UBE2QL1: variants seen among roughly 807,000 people sequenced by gnomAD.
UBE2QL1 encodes ubiquitin conjugating enzyme E2 QL1, also known as ubiquitin-conjugating enzyme E2Q-like protein 1.
In UBE2QL1, 5 loss-of-function variants were observed where a neutral mutation model predicts 12.6. The ratio of observed to expected loss-of-function variants is 0.40; its 90% CI spans 0.21 to 0.83. UBE2QL1 has a LOEUF of 0.83. UBE2QL1 is among the 40% of genes least tolerant of loss of function. The probability of loss-of-function intolerance (pLI) is 0.37; values close to 1 mark genes in which losing one functional copy is unlikely to be tolerated. For missense variants in UBE2QL1, 99 were observed against 222.6 expected (o/e 0.44, Z 3.53); for synonymous variants, 96 against 94.5 (o/e 1.02, Z -0.10).
intron 1 of UBE2QL1, 78 bp from the exon 2 acceptor site, chr5:6,491,140 G>A: frequency 1.4e-6 from 2 of 1,430,496 alleles, no homozygotes; most frequent in African/African-American, 1.4e-5. Flanking sequence ...CCACGACTCT[G>A]TGTGTTTTTA....
rs1734622245 is a variant in UBE2QL1 at position 6,493,858 on chromosome 5, C to T, written c.*2509C>T. On this transcript the variant is annotated 3_prime_UTR_variant, in exon 2 of 2. Coordinates refer to ENST00000399816, the MANE Select transcript of UBE2QL1 (RefSeq NM_001145161.3). ...TGAGCACAGGCCTGGCTGCCTGTGC[C>T]TTGGCCACAGCCTCCTTCCACCCCA... 1.3e-5 allele frequency: 2 copies of T among 152,302 alleles called. No individual in the cohort carries two copies. Among genetic ancestry groups the T allele is most frequent in the South Asian group, 4.2e-4 (2 of 4,816 alleles). 9.4% of individuals were successfully genotyped at this position (152,302 alleles called of 1,614,324 possible).
intron 1 of UBE2QL1, among the ~76,000 whole-genome samples, chr5:6,487,861 A>C (rs918584425): frequency 6.6e-6 from 1 of 152,224 alleles, no homozygotes; most frequent in Non-Finnish European, 1.5e-5. Context: ...AGCAGGGAAC[A>C]CGGGATGGAG....
intron 1 of UBE2QL1, among the ~76,000 whole-genome samples, chr5:6,451,253 T>C (rs1739407700): frequency 6.6e-6 from 1 of 151,776 alleles, no homozygotes; most frequent in African/African-American, 2.4e-5. Context: ...TGGGGATTTT[T>C]TTTTTTAAGA....
At chr5:6,490,973 T>C (rs533441440) in intron 1 of UBE2QL1, among the ~76,000 whole-genome samples, 1 of 151,136 alleles carries the variant, frequency 6.6e-6, no homozygotes, top group South Asian at 2.1e-4. Flanking sequence ...TGTGTGGGGG[T>C]TTGTAAAGAC....
chr5:6,480,674 A>G (rs930722486), intron 1 of UBE2QL1, among the ~76,000 whole-genome samples: 3 of 152,240 alleles, frequency 2.0e-5, no homozygotes, highest in African/African-American at 7.2e-5. Context: ...TTTAAAATGT[A>G]GAGGCAAGTG....
chr5:6,456,319 T>A (rs2651944), intron 1 of UBE2QL1, among the ~76,000 whole-genome samples: 28,290 of 151,994 alleles, frequency 0.19, 2,965 homozygotes, highest in East Asian at 0.48. Context: ...GGTCCTGGGA[T>A]CAGCAGGGTC....
chr5:6,491,416 C>T lies in UBE2QL1; in HGVS notation c.*67C>T. The stretch of plus-strand genomic sequence containing the variant: ...ACACACCAGTACCCTGACATCTCCT[C>T]AATGCTGTGCATCCTCCACCCGTTT... On this transcript the variant is annotated 3_prime_UTR_variant, in exon 2 of 2. Coordinates refer to ENST00000399816, the MANE Select transcript of UBE2QL1 (RefSeq NM_001145161.3). 6.8e-7 allele frequency: 1 copy of T among 1,467,540 alleles called. No individual in the cohort carries two copies. The highest frequency in any genetic ancestry group is 9.0e-7 in the Non-Finnish European group (1 of 1,108,996). The allele number at this position is 1,467,540 out of a possible 1,614,324, so 90.9% of individuals were successfully genotyped here.
At chr5:6,459,558 T>A (rs1229718530) in intron 1 of UBE2QL1, among the ~76,000 whole-genome samples, 1 of 152,204 alleles carries the variant, frequency 6.6e-6, no homozygotes, top group Non-Finnish European at 1.5e-5. Flanking sequence ...ACGTCTTTCG[T>A]TGCACAAAAC....
At chr5:6,451,521 A>G (rs1323929951) in intron 1 of UBE2QL1, among the ~76,000 whole-genome samples, 2 of 152,326 alleles carry the variant, frequency 1.3e-5, no homozygotes, top group East Asian at 3.9e-4. Context: ...ATCCTAACTG[A>G]ACCCATTGCC....
At chr5:6,482,658 T>A (rs2126366681) in intron 1 of UBE2QL1, among the ~76,000 whole-genome samples, 2 of 152,280 alleles carry the variant, frequency 1.3e-5, no homozygotes, top group African/African-American at 4.8e-5. Context: ...CAGAGACATT[T>A]TTGGTTGCCA....
chr5:6,483,882 G>A (rs1016844962), intron 1 of UBE2QL1, among the ~76,000 whole-genome samples: 2 of 152,088 alleles, frequency 1.3e-5, no homozygotes, highest in African/African-American at 4.8e-5. Context: ...GATCTGGTGG[G>A]ATGTTCTAGT....
intron 1 of UBE2QL1, among the ~76,000 whole-genome samples, chr5:6,489,516 C>G (rs1734525895): frequency 6.6e-6 from 1 of 152,192 alleles, no homozygotes; most frequent in Non-Finnish European, 1.5e-5. Flanking sequence ...AGAGGGATAT[C>G]CAGAGCAGGC....
intron 1 of UBE2QL1, among the ~76,000 whole-genome samples, chr5:6,471,001 T>A (rs509938): frequency 0.98 from 148,823 of 152,302 alleles, 72,817 homozygotes; most frequent in Middle Eastern, 1. Context: ...CTCACTGGCA[T>A]AGCATATCTC....
chr5:6,480,584 A>G (rs1036331903), intron 1 of UBE2QL1, among the ~76,000 whole-genome samples: 2 of 152,200 alleles, frequency 1.3e-5, no homozygotes, highest in Non-Finnish European at 2.9e-5. Context: ...ATTTTTAGCA[A>G]AAAGTTCCTT....
intron 1 of UBE2QL1, among the ~76,000 whole-genome samples, chr5:6,469,493 A>G (rs998796907): frequency 2.0e-5 from 3 of 147,836 alleles, no homozygotes; most frequent in African/African-American, 7.4e-5. Flanking sequence ...TTCATATTAT[A>G]TATATATTTT....
intron 1 of UBE2QL1, among the ~76,000 whole-genome samples, chr5:6,455,750 G>C (rs1032329303): frequency 6.6e-6 from 1 of 151,944 alleles, no homozygotes; most frequent in African/African-American, 2.4e-5. Context: ...CCATCTGGCA[G>C]ACACAGCCTC....
Position 6,491,230 on chromosome 5 carries a change from A to C in UBE2QL1, c.367A>C (p.Arg123=), listed in dbSNP as rs572609645. The C allele has an allele frequency of 5.2e-6, 8 of 1,550,876 alleles. No individual in the cohort carries two copies. In the South Asian group the frequency reaches 9.5e-5, roughly 18 times the overall value. Reference sequence around the variant, plus strand: ...TCATCTCACGCAGGGACGGATCTGTAGAAAAGCTGGCAAATCAAAAAAGTC... The same window carrying C: ...TCATCTCACGCAGGGACGGATCTGTCGAAAAGCTGGCAAATCAAAAAAGTC... The part of the protein sequence containing the change: ...SLVKGQGRIC[R]KAGKSKKSFS... Residue 123 remains arginine (R), a synonymous_variant, in exon 2 of 2, where the codon AGA becomes CGA. Coordinates refer to ENST00000399816, the MANE Select transcript of UBE2QL1 (RefSeq NM_001145161.3).
chr5:6,454,556 A>G lies in UBE2QL1; in HGVS notation c.354+5309A>G, dbSNP rs1739479350. Among the ~76,000 whole-genome samples the G allele has an allele frequency of 2.0e-5, 3 of 152,188 alleles. No homozygotes were observed. In the South Asian group the frequency reaches 6.2e-4, roughly 31 times the overall value. On this transcript the variant is annotated intron_variant, in intron 1 of 1. Transcript: ENST00000399816. Reference sequence around the variant, plus strand: ...AACAATTCAGCCCATAACACAACCAAACAGGCATTTCTTAACCAGTTGCTC... The same window carrying G: ...AACAATTCAGCCCATAACACAACCAGACAGGCATTTCTTAACCAGTTGCTC...
rs1734579821 is a variant in UBE2QL1 at position 6,491,922 on chromosome 5, A to G, written c.*573A>G. On this transcript the variant is annotated 3_prime_UTR_variant, in exon 2 of 2. Transcript: ENST00000399816. ...TTTGTGCTATGACCTTTGGCTCATG[A>G]AAACACAAATTTAACATTGCCAGGT... 1 of 152,276 alleles carries G rather than the reference A, an allele frequency of 6.6e-6. No individual in the cohort carries two copies. Among genetic ancestry groups the G allele is most frequent in the Non-Finnish European group, 1.5e-5 (1 of 68,080 alleles). 9.4% of individuals were successfully genotyped at this position (152,276 alleles called of 1,614,324 possible). A position where few individuals can be genotyped will look rare whatever the true frequency, so the allele number is the denominator to read the frequency against.
Sources: gnomAD v4.1 joint callset for allele counts (sites outside exome capture counted in the v4.1 genomes callset) on GRCh38, gnomAD v4.1.1 for gene constraint, MANE v1.5 for transcripts, NCBI Gene and HGNC (gene_info 2026-07-23, HGNC 2026-07-21) for gene names.